FER: variants seen among roughly 807,000 people sequenced by gnomAD.
FER encodes FER tyrosine kinase.
FER carries 63 observed loss-of-function variants against 111.0 expected under a neutral mutation model. That is an observed-to-expected ratio of 0.57 (90% CI 0.46 to 0.70). The LOEUF (loss-of-function observed/expected upper bound fraction) is 0.70. Ranked by LOEUF, FER falls within the 30% of genes least tolerant of loss-of-function variation. The pLI is 0.00. For missense variants in FER, 914 were observed against 954.0 expected (o/e 0.96, Z 0.55); for synonymous variants, 327 against 313.9 (o/e 1.04, Z -0.44).
At chr5:108,824,788 C>G (rs545910675) in intron 3 of FER, among the ~76,000 whole-genome samples, 1 of 152,204 alleles carries the variant, frequency 6.6e-6, no homozygotes, top group African/African-American at 2.4e-5. Context: ...TTTCTACATA[C>G]GAGATTATCG....
At chr5:108,997,436 G>C (rs189477715) in intron 13 of FER, among the ~76,000 whole-genome samples, 1 of 148,578 alleles carries the variant, frequency 6.7e-6, no homozygotes, top group African/African-American at 2.5e-5. Flanking sequence ...AAAAAAAAGA[G>C]ATTTTGGGCT....
At chr5:108,835,666 T>G (rs1760581009) in intron 4 of FER, 42 bp from the exon 5 acceptor site, 1 of 1,295,658 alleles carries the variant, frequency 7.7e-7, no homozygotes, top group Admixed American at 2.4e-5. Flanking sequence ...CAATTTAAAT[T>G]TAAACAATTT....
chr5:109,180,943 C>T (rs769203242), intron 18 of FER, 42 bp downstream of exon 18: 28 of 1,516,628 alleles, frequency 1.8e-5, no homozygotes, highest in East Asian at 2.4e-5. Flanking sequence ...TAAAAATGAA[C>T]GGCATCAGCA....
intron 10 of FER, among the ~76,000 whole-genome samples, chr5:108,936,630 A>G (rs1755513086): frequency 6.6e-6 from 1 of 152,040 alleles, no homozygotes; most frequent in South Asian, 2.1e-4. Context: ...TCTAACTTAC[A>G]TTCATATTGA....
At chr5:108,960,550 T>A (rs1382295605) in intron 13 of FER, among the ~76,000 whole-genome samples, 2 of 151,278 alleles carry the variant, frequency 1.3e-5, no homozygotes, top group East Asian at 1.9e-4. Flanking sequence ...TATAGCAAAA[T>A]ATATATATAT....
In FER at chr5:109,188,271, A is replaced by AGGCGT. The variant is rs1444922535; in HGVS notation, c.*698_*702dup. On this transcript the variant is annotated 3_prime_UTR_variant, in exon 20 of 20. Coordinates refer to ENST00000281092, the MANE Select transcript of FER (RefSeq NM_005246.4). Reference sequence around the variant, plus strand: ...CATGTAATCTCATGCCTGGGATTACAGGCGTGAGCCACAGTGCCCAGCCCC... The same window carrying AGGCGT: ...CATGTAATCTCATGCCTGGGATTACAGGCGTGGCGTGAGCCACAGTGCCCAGCCCC... The AGGCGT allele has an allele frequency of 2.1e-5, 3 of 144,428 alleles. No homozygotes were observed. The highest frequency in any genetic ancestry group is 4.6e-5 in the Non-Finnish European group (3 of 65,810). 8.9% of individuals were successfully genotyped at this position (144,428 alleles called of 1,614,324 possible). A position where few individuals can be genotyped will look rare whatever the true frequency, so the allele number is the denominator to read the frequency against.
intron 5 of FER, among the ~76,000 whole-genome samples, chr5:108,843,920 G>C (rs923139184): frequency 3.0e-4 from 45 of 152,050 alleles, no homozygotes; most frequent in Non-Finnish European, 3.5e-4. Context: ...ATGAACTCCT[G>C]CATACTTTTT....
At chr5:109,008,900 G>T (rs953376931) in intron 13 of FER, among the ~76,000 whole-genome samples, 10 of 152,100 alleles carry the variant, frequency 6.6e-5, no homozygotes, top group African/African-American at 2.2e-4. Context: ...AACCTGGGAG[G>T]CAGAGGTTGC....
intron 16 of FER, chr5:109,052,346 T>G (rs61741032): frequency 0.056 from 88,702 of 1,593,120 alleles, 2,916 homozygotes; most frequent in South Asian, 0.085. Flanking sequence ...ACCACTGTCT[T>G]CAGCAGCAGG....
intron 2 of FER, among the ~76,000 whole-genome samples, chr5:108,779,359 T>G (rs1489576338): frequency 6.6e-6 from 1 of 152,202 alleles, no homozygotes; most frequent in Non-Finnish European, 1.5e-5. Flanking sequence ...GGGATTAAAT[T>G]GAATCTATAA....
intron 14 of FER, among the ~76,000 whole-genome samples, chr5:109,042,157 G>A (rs1347382227): frequency 6.6e-6 from 1 of 152,032 alleles, no homozygotes; most frequent in Non-Finnish European, 1.5e-5. Flanking sequence ...GGCTGGAGAG[G>A]GAGAAATGAA....
At chr5:109,008,650 A>G (rs1472852684) in intron 13 of FER, among the ~76,000 whole-genome samples, 5 of 152,158 alleles carry the variant, frequency 3.3e-5, no homozygotes, top group Admixed American at 3.3e-4. Flanking sequence ...GTATTTCCTT[A>G]CAGTCTTTTT....
chr5:108,888,359 G>A (rs923006676), intron 9 of FER, among the ~76,000 whole-genome samples: 9 of 151,890 alleles, frequency 5.9e-5, no homozygotes, highest in Non-Finnish European at 1.2e-4. Context: ...CACTTTTGTG[G>A]AGGAAACCAA....
intron 16 of FER, among the ~76,000 whole-genome samples, chr5:109,081,910 C>T (rs1777028220): frequency 6.6e-6 from 1 of 151,978 alleles, no homozygotes; most frequent in Admixed American, 6.6e-5. Context: ...AGGAAGAATG[C>T]TCCATTCTTA....
intron 3 of FER, among the ~76,000 whole-genome samples, chr5:108,802,033 T>TCACC (rs1404419002): frequency 6.6e-6 from 1 of 152,200 alleles, no homozygotes; most frequent in African/African-American, 2.4e-5. Flanking sequence ...CTCAGAGCGG[T>TCACC]GTCACCTTAA....
chr5:108,942,017 TG>T (rs1184599147), intron 10 of FER, among the ~76,000 whole-genome samples: 3 of 152,084 alleles, frequency 2.0e-5, no homozygotes, highest in Non-Finnish European at 4.4e-5. Flanking sequence ...TGTGCATGTG[TG>T]GGGGCAGAGG....
At chr5:109,121,970 T>G (rs11957989) in intron 17 of FER, among the ~76,000 whole-genome samples, 62,482 of 151,672 alleles carry the variant, frequency 0.41, 13,099 homozygotes, top group African/African-American at 0.45. Flanking sequence ...ATTTTATTTG[T>G]GTCTTCTCTT....
chr5:109,153,445 A>G (rs963739016), intron 17 of FER, among the ~76,000 whole-genome samples: 8 of 151,878 alleles, frequency 5.3e-5, no homozygotes, highest in Non-Finnish European at 8.8e-5. Context: ...AATTCATTCT[A>G]AAACTAGGGA....
At chr5:109,152,639 T>C (rs1392932180) in intron 17 of FER, among the ~76,000 whole-genome samples, 1 of 152,006 alleles carries the variant, frequency 6.6e-6, no homozygotes, top group Non-Finnish European at 1.5e-5. Flanking sequence ...ATCAGATACG[T>C]ACTGAATTGC....
Sources: allele counts gnomAD v4.1 joint callset (sites outside exome capture counted in the v4.1 genomes callset), GRCh38; gene constraint gnomAD v4.1.1; transcripts MANE v1.5; gene names NCBI Gene and HGNC (gene_info 2026-07-23, HGNC 2026-07-21).